The following ANKRD6 variants were observed in gnomAD, a reference collection of about 807,000 sequenced individuals.
ANKRD6 encodes the protein ankyrin repeat domain-containing protein 6.
A neutral mutation model predicts 82.3 loss-of-function variants in ANKRD6; 56 were observed. The ratio of observed to expected loss-of-function variants is 0.68; its 90% CI spans 0.55 to 0.85. The LOEUF is 0.85. Among genes scored for constraint, ANKRD6 ranks in the 40% least tolerant of loss-of-function variants. The pLI, the probability that ANKRD6 is intolerant of heterozygous loss-of-function variation, is 0.00. For missense variants in ANKRD6, 852 were observed against 907.6 expected (o/e 0.94, Z 0.79); for synonymous variants, 347 against 352.1 (o/e 0.99, Z 0.16).
intron 1 of ANKRD6, among the ~76,000 whole-genome samples, chr6:89,496,496 C>T (rs1478685165): frequency 1.3e-5 from 2 of 151,976 alleles, no homozygotes; most frequent in Non-Finnish European, 2.9e-5. Flanking sequence ...AGGGATGTGC[C>T]CTGGGGAAAG....
chr6:89,552,108 A>G (rs981104231), intron 1 of ANKRD6, among the ~76,000 whole-genome samples: 1 of 152,272 alleles, frequency 6.6e-6, no homozygotes, highest in African/African-American at 2.4e-5. Context: ...AACTTAAAAT[A>G]TGGACAATAT....
intron 3 of ANKRD6, among the ~76,000 whole-genome samples, chr6:89,597,011 A>G (rs1796064279): frequency 6.6e-6 from 1 of 152,202 alleles, no homozygotes; most frequent in Non-Finnish European, 1.5e-5. Flanking sequence ...CAGATATGCT[A>G]CAGTGTGGTT....
At chr6:89,481,503 A>G (rs1776801600) in intron 1 of ANKRD6, among the ~76,000 whole-genome samples, 1 of 152,168 alleles carries the variant, frequency 6.6e-6, no homozygotes, top group Non-Finnish European at 1.5e-5. Flanking sequence ...ATTTCAAATT[A>G]AAGGATACTC....
At chr6:89,441,580 C>T (rs1771384308) in intron 1 of ANKRD6, among the ~76,000 whole-genome samples, 1 of 151,200 alleles carries the variant, frequency 6.6e-6, no homozygotes, top group Non-Finnish European at 1.5e-5. Flanking sequence ...TTATTCTGAG[C>T]CAACTGTGAG....
chr6:89,477,186 C>CA (rs1234863632), intron 1 of ANKRD6, among the ~76,000 whole-genome samples: 5 of 152,062 alleles, frequency 3.3e-5, no homozygotes, highest in Admixed American at 1.3e-4. Context: ...CCTCGTGATC[C>CA]ACCCACCTCG....
intron 1 of ANKRD6, among the ~76,000 whole-genome samples, chr6:89,494,823 C>A (rs1778406486): frequency 6.6e-6 from 1 of 152,174 alleles, no homozygotes. Context: ...AAAACACCCA[C>A]AAGGACTGAT....
chr6:89,556,077 T>C (rs978228698), intron 1 of ANKRD6, among the ~76,000 whole-genome samples: 1 of 152,218 alleles, frequency 6.6e-6, no homozygotes, highest in Non-Finnish European at 1.5e-5. Flanking sequence ...AAAGGCACCA[T>C]AGACCTAGCA....
intron 1 of ANKRD6, among the ~76,000 whole-genome samples, chr6:89,541,387 CTT>C (rs58643589): frequency 9.4e-4 from 60 of 64,080 alleles, no homozygotes; most frequent in African/African-American, 2.3e-3. Context: ...TTACGTGTGG[CTT>C]TTTTTTTTTT....
chr6:89,624,846 T>G (rs1210286984), intron 13 of ANKRD6, among the ~76,000 whole-genome samples, 155 bp downstream of exon 13: 1 of 152,232 alleles, frequency 6.6e-6, no homozygotes, highest in Non-Finnish European at 1.5e-5. Flanking sequence ...TTTGTTAAAG[T>G]ACATTTATTT....
intron 3 of ANKRD6, 28 bp downstream of exon 3, chr6:89,596,042 C>T (rs773687931): frequency 1.3e-6 from 2 of 1,577,484 alleles, no homozygotes; most frequent in Non-Finnish European, 1.7e-6. Context: ...TTCTATCAGG[C>T]TGAGTTGGCA....
chr6:89,496,158 C>A (rs899822511), intron 1 of ANKRD6, among the ~76,000 whole-genome samples: 35 of 151,078 alleles, frequency 2.3e-4, no homozygotes, highest in African/African-American at 8.3e-4. Flanking sequence ...TGGGGATTAG[C>A]AAGCTTTTTT....
chr6:89,603,200 G>A (rs1170920236), intron 4 of ANKRD6, 73 bp downstream of exon 4: 34 of 1,395,098 alleles, frequency 2.4e-5, no homozygotes, highest in Admixed American at 6.3e-5. Context: ...GGAGGAGCCC[G>A]CTCTGGAAAC....
At chr6:89,486,703 G>A (rs994581928) in intron 1 of ANKRD6, among the ~76,000 whole-genome samples, 1 of 152,166 alleles carries the variant, frequency 6.6e-6, no homozygotes, top group Non-Finnish European at 1.5e-5. Context: ...CAAACTCCCG[G>A]GCTCAAGCGA....
chr6:89,503,527 C>T (rs1414183091), intron 1 of ANKRD6, among the ~76,000 whole-genome samples: 3 of 152,018 alleles, frequency 2.0e-5, no homozygotes, highest in African/African-American at 7.3e-5. Context: ...TAGACGTGGG[C>T]AAGTTACCTA....
intron 5 of ANKRD6, among the ~76,000 whole-genome samples, chr6:89,611,343 T>C (rs1297761621): frequency 6.6e-6 from 1 of 152,186 alleles, no homozygotes; most frequent in Non-Finnish European, 1.5e-5. Flanking sequence ...GACCCAGCAC[T>C]TGAGCTCAGC....
intron 2 of ANKRD6, among the ~76,000 whole-genome samples, chr6:89,595,065 T>TA (rs1158121456): frequency 2.0e-5 from 3 of 152,094 alleles, no homozygotes; most frequent in Non-Finnish European, 2.9e-5. Flanking sequence ...AATTTTTTTT[T>TA]AAAAAGAGGA....
chr6:89,610,803 T>TAA (rs56775209), intron 5 of ANKRD6, among the ~76,000 whole-genome samples: 14,201 of 143,662 alleles, frequency 0.099, 1,569 homozygotes, highest in African/African-American at 0.27. Context: ...AAACAAAACT[T>TAA]AAAAAAAAAA....
In ANKRD6 at chr6:89,568,618, A is replaced by T. The variant is rs147977928; in HGVS notation, c.120+1522A>T. On this transcript the variant is annotated intron_variant, in intron 2 of 15. Transcript: ENST00000339746. ...TAGAGATATAGGGCCTTTAGGAAGT[A>T]ATTAGGTTTTTAAATGGGGTCATGA... 9.5e-3 allele frequency among the ~76,000 whole-genome samples: 1,452 copies of T among 152,110 alleles called. 21 individuals are homozygous for T. Among genetic ancestry groups the T allele is most frequent in the African/African-American group, 0.031 (1,267 of 41,468 alleles).
intron 1 of ANKRD6, among the ~76,000 whole-genome samples, chr6:89,517,680 T>C (rs189050710): frequency 2.0e-5 from 3 of 152,378 alleles, no homozygotes; most frequent in Admixed American, 1.3e-4. Flanking sequence ...TTGATAGTTA[T>C]GTTTATTCTG....
Sources: gnomAD v4.1 joint callset for allele counts (sites outside exome capture counted in the v4.1 genomes callset) on GRCh38, gnomAD v4.1.1 for gene constraint, MANE v1.5 for transcripts, NCBI Gene and HGNC (gene_info 2026-07-23, HGNC 2026-07-21) for gene names.